The following RBM5 variants were observed in gnomAD, a reference collection of about 807,000 sequenced individuals.
RBM5 encodes RNA-binding protein 5.
Under a neutral mutation model 124.6 loss-of-function variants are expected in RBM5, and 15 were observed. The observed-to-expected ratio is 0.12, with a 90% CI of 0.08 to 0.19. RBM5 has a LOEUF of 0.19. Among genes scored for constraint, RBM5 ranks in the 10% least tolerant of loss-of-function variants. The pLI is 1.00. For missense variants in RBM5, 580 were observed against 1,026.5 expected (o/e 0.57, Z 5.94); for synonymous variants, 337 against 361.2 (o/e 0.93, Z 0.76).
chr3:50,104,411 G>A, intron 8 of RBM5, 103 bp downstream of exon 8: 2 of 1,133,290 alleles, frequency 1.8e-6, no homozygotes, highest in Non-Finnish European at 2.7e-6. Context: ...GCCAAGGTGG[G>A]AAGATCACTT....
At chr3:50,113,678 G>A (rs2091189023) in intron 18 of RBM5, 134 bp downstream of exon 18, 2 of 1,115,434 alleles carry the variant, frequency 1.8e-6, no homozygotes, top group South Asian at 3.5e-5. Flanking sequence ...TAAGTTCTTA[G>A]AGCATTTTGC....
At position 50,093,794 on chromosome 3, in the gene RBM5, C is replaced by G. The variant is rs1575299885; in HGVS notation, c.258C>G (p.Asp86Glu). 6.2e-7 allele frequency: 1 copy of G among 1,614,086 alleles called. No homozygotes were observed. Among genetic ancestry groups the G allele is most frequent in the Non-Finnish European group, 8.5e-7 (1 of 1,179,964 alleles). The change falls in exon 4 of 25, where the codon GAC becomes GAG. Residue 86 changes from aspartate (D) to glutamate (E), a missense_variant. Around this residue, in one of 6 missense-constraint regions of RBM5, gnomAD observed 99 missense variants for 121.1 expected, o/e 0.82. Transcript: ENST00000347869. The stretch of plus-strand genomic sequence containing the variant: ...CAGATGGTGACTATGGTGAGCACGA[C>G]TATAGGCATGACATCAGTGACGAGA... ...YHSDGDYGEH[D>E]YRHDISDERE...
chr3:50,109,800 C>A, intron 15 of RBM5, 112 bp downstream of exon 15: 1 of 711,160 alleles, frequency 1.4e-6, no homozygotes, highest in Non-Finnish European at 2.4e-6. Flanking sequence ...ATACACACTT[C>A]AACCTTATTT....
At position 50,117,084 on chromosome 3, in the gene RBM5, G is replaced by A. The variant is rs1172411378; in HGVS notation, c.2105G>A (p.Arg702Gln). The change falls in exon 23 of 25, where the codon CGA becomes CAA. Residue 702 changes from arginine (R) to glutamine (Q), a missense_variant. By Grantham distance (43) the Arg-to-Gln change is conservative. Coordinates refer to ENST00000347869, the MANE Select transcript of RBM5 (RefSeq NM_005778.4). The surrounding 1 kb of genome is among the most constrained non-coding windows in gnomAD (Gnocchi z 4.2). Reference sequence around the variant, plus strand: ...TTTTCTCCCATGTAGATGAAATACCGAGACCGAGCTGCAGAAAGACGGGAG... The same window carrying A: ...TTTTCTCCCATGTAGATGAAATACCAAGACCGAGCTGCAGAAAGACGGGAG... The part of the protein sequence containing the change: ...LELREREMKY[R>Q]DRAAERREKY... 1.9e-6 allele frequency: 3 copies of A among 1,613,990 alleles called. No individual in the cohort carries two copies. The highest frequency in any genetic ancestry group is 2.5e-6 in the Non-Finnish European group (3 of 1,179,982).
At chr3:50,108,333 T>C in intron 14 of RBM5, 29 bp downstream of exon 14, 1 of 1,553,124 alleles carries the variant, frequency 6.4e-7, no homozygotes, top group Middle Eastern at 1.7e-4. Context: ...CTTTTACCTT[T>C]TGTTTAAGCA....
chr3:50,098,029 G>A (rs779308484), intron 4 of RBM5, among the ~76,000 whole-genome samples: 20 of 152,152 alleles, frequency 1.3e-4, no homozygotes, highest in Admixed American at 9.8e-4. Context: ...CCCAGGAGGC[G>A]GAGGTTGCAG....
At chr3:50,102,895 C>G (rs1231329473) in intron 6 of RBM5, 188 bp from the exon 7 acceptor site, 2 of 581,600 alleles carry the variant, frequency 3.4e-6, no homozygotes, top group Non-Finnish European at 6.1e-6. Flanking sequence ...TACCTTTACT[C>G]CGCATCCCAT....
At chr3:50,091,929 A>T in intron 2 of RBM5, 114 bp from the exon 3 acceptor site, 3 of 1,014,964 alleles carry the variant, frequency 3.0e-6, no homozygotes, top group Non-Finnish European at 4.1e-6. Context: ...TTAACACTTT[A>T]AACTATTTGG....
At chr3:50,091,857 A>G (rs2090709117) in intron 2 of RBM5, 186 bp from the exon 3 acceptor site, 3 of 663,598 alleles carry the variant, frequency 4.5e-6, no homozygotes, top group Non-Finnish European at 8.2e-6. Context: ...TTATCATTAC[A>G]TTTAGGGATG....
Position 50,117,013 on chromosome 3 carries a change from A to G in RBM5, c.2095-61A>G. On this transcript the variant is annotated intron_variant, in intron 22 of 24. Coordinates refer to ENST00000347869, the MANE Select transcript of RBM5 (RefSeq NM_005778.4). This position sits in a 1 kb window ranked among gnomAD's most constrained non-coding sequence, Gnocchi z 4.2. ...TGAGGGGATAGTTTTGAATAGGTGC[A>G]TTAGACGGTTACAGGTTGAAGTCTG... is the stretch of plus-strand genomic sequence containing the variant. 6.8e-7 allele frequency: 1 copy of G among 1,475,462 alleles called. No homozygotes were observed. Among genetic ancestry groups the G allele is most frequent in the Non-Finnish European group, 9.5e-7 (1 of 1,055,210 alleles). 91.4% of individuals were successfully genotyped at this position (1,475,462 alleles called of 1,614,324 possible). A position where few individuals can be genotyped will look rare whatever the true frequency, so the allele number is the denominator to read the frequency against.
intron 20 of RBM5, 63 bp from the exon 21 acceptor site, chr3:50,115,365 T>A: frequency 6.4e-7 from 1 of 1,559,788 alleles, no homozygotes; most frequent in South Asian, 1.2e-5. Context: ...TTTATCCAGG[T>A]ACATAGCCAC....
intron 4 of RBM5, among the ~76,000 whole-genome samples, chr3:50,098,106 T>C (rs563119616): frequency 1.3e-5 from 2 of 151,950 alleles, no homozygotes; most frequent in Non-Finnish European, 2.9e-5. Flanking sequence ...CAAAAAAATT[T>C]AAAAAAAAGT....
At chr3:50,118,294 C>A (rs1015014139) in intron 24 of RBM5, 37 bp from the exon 25 acceptor site, 2 of 1,613,124 alleles carry the variant, frequency 1.2e-6, no homozygotes, top group African/African-American at 1.3e-5. Flanking sequence ...GCAGCCCATA[C>A]CCTACCTCCC....
chr3:50,094,840 T>G (rs566806877), intron 4 of RBM5, among the ~76,000 whole-genome samples: 1 of 152,326 alleles, frequency 6.6e-6, no homozygotes, highest in Non-Finnish European at 1.5e-5. Context: ...CCTGTATCTA[T>G]CTCAGCTAGT....
chr3:50,110,713 A>C lies in RBM5; in HGVS notation c.1398A>C (p.Glu466Asp), dbSNP rs762235943. 6.8e-6 allele frequency: 11 copies of C among 1,613,554 alleles called. No homozygotes were observed. Among genetic ancestry groups the C allele is most frequent in the Middle Eastern group, 1.6e-4 (1 of 6,084 alleles). The change falls in exon 17 of 25, where the codon GAA becomes GAC. Residue 466 changes from glutamate (E) to aspartate (D), a missense_variant. Physicochemically the swap from Glu to Asp is conservative, Grantham distance 45. Transcript: ENST00000347869. ...ACACGTCCACTTACCAGTATGATGAATCTTCAGGATATTACTATGATCCGA... is the reference window on the plus strand; with the variant it reads ...ACACGTCCACTTACCAGTATGATGACTCTTCAGGATATTACTATGATCCGA... ...VPDTSTYQYD[E>D]SSGYYYDPTT...
At chr3:50,092,013 CTT>C in intron 2 of RBM5, 28 bp from the exon 3 acceptor site, 5 of 1,609,958 alleles carry the variant, frequency 3.1e-6, no homozygotes, top group Non-Finnish European at 3.4e-6. Flanking sequence ...ATGTGACTGA[CTT>C]TAGAATGAAA....
At chr3:50,106,614 A>C (rs2091037906) in intron 10 of RBM5, 153 bp from the exon 11 acceptor site, 2 of 608,952 alleles carry the variant, frequency 3.3e-6, no homozygotes, top group African/African-American at 3.7e-5. Flanking sequence ...GGAAAGAGAG[A>C]TATTCCTTTC....
Position 50,105,122 on chromosome 3 carries a change from C to T in RBM5, c.674C>T (p.Ser225Phe). Residue 225 changes from serine (S) to phenylalanine (F), a missense_variant, in exon 9 of 25, where the codon TCT becomes TTT. Transcript: ENST00000347869. The stretch of plus-strand genomic sequence containing the variant: ...CCTGGAACCACAGAGTCGGTTCAGT[C>T]TGTGGATTACTACTGTGATAGTAAG... ...VPPGTTESVQ[S>F]VDYYCDTIIL... 6.3e-7 allele frequency: 1 copy of T among 1,595,518 alleles called. No individual in the cohort carries two copies. Among genetic ancestry groups the T allele is most frequent in the Admixed American group, 1.7e-5 (1 of 59,944 alleles).
At position 50,106,118 on chromosome 3, in the gene RBM5, A is replaced by ATTTTTTTTT. The variant is rs61297967; in HGVS notation, c.855+435_855+443dup. Among the ~76,000 whole-genome samples, 27 of 32,754 alleles carry ATTTTTTTTT rather than the reference A, an allele frequency of 8.2e-4. 3 individuals are homozygous for ATTTTTTTTT. The highest frequency in any genetic ancestry group is 1.8e-3 in the African/African-American group (19 of 10,562). 21.5% of individuals were successfully genotyped at this position (32,754 alleles called of 152,430 possible). ...CAGGTGCCCGCCACCACGCCCAGCT[A>ATTTTTTTTT]TTTTTTTTTTTTTTTTTTTTTTTTT... On this transcript the variant is annotated intron_variant, in intron 10 of 24. Coordinates refer to ENST00000347869, the MANE Select transcript of RBM5 (RefSeq NM_005778.4).
Sources: gnomAD v4.1 joint callset for allele counts (sites outside exome capture counted in the v4.1 genomes callset) on GRCh38, gnomAD v4.1.1 for gene constraint, gnomAD v4.1.1 regional missense constraint, Gnocchi (gnomAD v3.1) non-coding constraint, MANE v1.5 for transcripts, NCBI Gene and HGNC (gene_info 2026-07-23, HGNC 2026-07-21) for gene names.